ANKRD55: variants seen among roughly 807,000 people sequenced by gnomAD.
ANKRD55 encodes the protein ankyrin repeat domain-containing protein 55.
In ANKRD55, 41 loss-of-function variants were observed where a neutral mutation model predicts 60.6. The observed-to-expected ratio is 0.68, with a 90% confidence interval of 0.53 to 0.88. The LOEUF (loss-of-function observed/expected upper bound fraction) is 0.88. Among genes scored for constraint, ANKRD55 ranks in the 40% least tolerant of loss-of-function variants. The pLI, the probability that ANKRD55 is intolerant of heterozygous loss-of-function variation, is 0.00. For missense variants in ANKRD55, 732 were observed against 767.6 expected (o/e 0.95, Z 0.55); for synonymous variants, 264 against 290.3 (o/e 0.91, Z 0.92).
chr5:56,215,566 T>C (rs1759784637), intron 2 of ANKRD55, among the ~76,000 whole-genome samples: 1 of 152,208 alleles, frequency 6.6e-6, no homozygotes, highest in African/African-American at 2.4e-5. Flanking sequence ...CTTTTCCTTC[T>C]CGTGCTAGGT....
chr5:56,187,977 G>A (rs957734372), intron 2 of ANKRD55, among the ~76,000 whole-genome samples: 1 of 152,178 alleles, frequency 6.6e-6, no homozygotes, highest in Non-Finnish European at 1.5e-5. Flanking sequence ...GGTTAAGTAT[G>A]TAGTTTTTGC....
At chr5:56,188,812 A>G (rs139619935) in intron 2 of ANKRD55, among the ~76,000 whole-genome samples, 1 of 152,348 alleles carries the variant, frequency 6.6e-6, no homozygotes, top group East Asian at 1.9e-4. Flanking sequence ...TTTCTTTTTA[A>G]TCACTGAAAA....
chr5:56,110,566 G>T (rs1756658521), intron 10 of ANKRD55: 1 of 152,702 alleles, frequency 6.5e-6, no homozygotes, highest in Admixed American at 6.5e-5. Flanking sequence ...TGGATGAGGG[G>T]CACTGGATAG....
chr5:56,130,654 G>C (rs1757384677), intron 7 of ANKRD55, among the ~76,000 whole-genome samples: 1 of 152,158 alleles, frequency 6.6e-6, no homozygotes, highest in African/African-American at 2.4e-5. Flanking sequence ...ATCAGTTCCA[G>C]ACATGGCAGG....
At chr5:56,230,569 T>C (rs1294760761) in intron 2 of ANKRD55, among the ~76,000 whole-genome samples, 1 of 152,196 alleles carries the variant, frequency 6.6e-6, no homozygotes, top group Non-Finnish European at 1.5e-5. Context: ...TGTTCAACTT[T>C]TCCCGAGAAA....
intron 10 of ANKRD55, among the ~76,000 whole-genome samples, chr5:56,110,258 A>T (rs1273533226): frequency 6.7e-6 from 1 of 150,108 alleles, no homozygotes; most frequent in Non-Finnish European, 1.5e-5. Context: ...AAATAGCCAG[A>T]TGTAGCAGTG....
intron 6 of ANKRD55, among the ~76,000 whole-genome samples, chr5:56,157,571 G>A (rs994180546): frequency 2.6e-5 from 4 of 152,192 alleles, no homozygotes; most frequent in Non-Finnish European, 5.9e-5. Context: ...GGAGAAAACC[G>A]CCTTAGGGCT....
chr5:56,174,387 C>T (rs1483221409), intron 4 of ANKRD55, among the ~76,000 whole-genome samples: 1 of 152,108 alleles, frequency 6.6e-6, no homozygotes, highest in Admixed American at 6.5e-5. Context: ...CCTTCTATGC[C>T]CTTCCTCTAC....
intron 6 of ANKRD55, among the ~76,000 whole-genome samples, chr5:56,149,221 C>T (rs921445046): frequency 2.6e-5 from 4 of 152,026 alleles, no homozygotes; most frequent in East Asian, 3.9e-4. Flanking sequence ...AGTAGATAGA[C>T]GGTGAGCATC....
chr5:56,170,166 C>CT (rs1366305305), intron 5 of ANKRD55, among the ~76,000 whole-genome samples: 1 of 152,168 alleles, frequency 6.6e-6, no homozygotes, highest in African/African-American at 2.4e-5. Context: ...GCTGGCATGG[C>CT]CCTGGGTTTA....
chr5:56,220,229 T>C (rs1029689882), intron 2 of ANKRD55, among the ~76,000 whole-genome samples: 3 of 152,194 alleles, frequency 2.0e-5, no homozygotes, highest in African/African-American at 7.2e-5. Flanking sequence ...TGGTGAAGAA[T>C]ACTGATGGCT....
chr5:56,107,479 A>C (rs1211753058), intron 10 of ANKRD55, among the ~76,000 whole-genome samples: 1 of 152,172 alleles, frequency 6.6e-6, no homozygotes, highest in East Asian at 1.9e-4. Context: ...TTTGGGTGGC[A>C]CATGTGTCAG....
chr5:56,130,474 A>G (rs1177551226), intron 7 of ANKRD55, among the ~76,000 whole-genome samples: 3 of 152,196 alleles, frequency 2.0e-5, no homozygotes, highest in Non-Finnish European at 4.4e-5. Flanking sequence ...AAAGACAGGG[A>G]CCAAATCATA....
intron 2 of ANKRD55, 118 bp downstream of exon 2, chr5:56,232,738 G>A (rs542229753): frequency 3.6e-5 from 32 of 885,228 alleles, no homozygotes; most frequent in South Asian, 6.7e-5. Flanking sequence ...GCACACCCAC[G>A]CACATGAACA....
At chr5:56,163,539 C>T (rs1758381670) in intron 5 of ANKRD55, among the ~76,000 whole-genome samples, 1 of 152,134 alleles carries the variant, frequency 6.6e-6, no homozygotes, top group Admixed American at 6.5e-5. Context: ...GGTGCCAGTA[C>T]AGCAGGCTTG....
chr5:56,229,233 A>G (rs955691226), intron 2 of ANKRD55, among the ~76,000 whole-genome samples: 1 of 151,996 alleles, frequency 6.6e-6, no homozygotes, highest in Non-Finnish European at 1.5e-5. Flanking sequence ...TTTAGCAGGA[A>G]CCTCTGTGTT....
chr5:56,219,926 C>T (rs570417739), intron 2 of ANKRD55, among the ~76,000 whole-genome samples: 17 of 152,340 alleles, frequency 1.1e-4, no homozygotes, highest in African/African-American at 3.8e-4. Context: ...AAGGGAAAAT[C>T]CATGAATATC....
At chr5:56,102,432 TTAGTTGTGTC>T in intron 11 of ANKRD55, 52 bp downstream of exon 11, 1 of 1,185,854 alleles carries the variant, frequency 8.4e-7, no homozygotes, top group East Asian at 2.4e-5. Flanking sequence ...GAAATAACAT[TTAGTTGTGTC>T]TAGATATGTT....
chr5:56,135,648 C>T (rs756393777), intron 7 of ANKRD55, among the ~76,000 whole-genome samples: 9 of 152,018 alleles, frequency 5.9e-5, no homozygotes, highest in African/African-American at 2.2e-4. Flanking sequence ...GGATTACAGG[C>T]GTGAGCCACT....
Sources: gnomAD v4.1 joint callset for allele counts (sites outside exome capture counted in the v4.1 genomes callset) on GRCh38, gnomAD v4.1.1 for gene constraint, MANE v1.5 for transcripts, NCBI Gene and HGNC (gene_info 2026-07-23, HGNC 2026-07-21) for gene names.